CD302: variants seen among roughly 807,000 people sequenced by gnomAD.
CD302 encodes CD302 antigen.
In CD302, 23 loss-of-function variants were observed where a neutral mutation model predicts 26.5. The ratio of observed to expected loss-of-function variants is 0.87; its 90% CI spans 0.62 to 1.23. The LOEUF is 1.23. Among genes scored for constraint, CD302 ranks in the 50% most tolerant of loss-of-function variants. The pLI is 0.00. For synonymous variants in CD302, 90 were observed against 99.4 expected, an observed-to-expected ratio of 0.91 and a Z score of 0.56; for missense variants, 290 against 275.5, an observed-to-expected ratio of 1.05 and a Z score of -0.37.
In CD302 at chr2:159,780,889, G is replaced by T; in HGVS notation, c.288C>A (p.Asp96Glu). The T allele has an allele frequency of 6.2e-7, 1 of 1,612,556 alleles. No homozygotes were observed. Among genetic ancestry groups the T allele is most frequent in the South Asian group, 1.1e-5 (1 of 90,866 alleles). The change falls in exon 3 of 6, where the codon GAC becomes GAA. Residue 96 changes from aspartate to glutamate, a missense_variant. By Grantham distance (45) the Asp-to-Glu change is conservative. Transcript: ENST00000259053. ...GAGGTAAATATCACTTACCATCTGT[G>T]TCATAAAACATGCCTAGTAGGATAT... is the stretch of plus-strand genomic sequence containing the variant. Reference protein sequence around the residue: ...PDDILLGMFYDTDDASFKWFD... With the variant: ...PDDILLGMFYETDDASFKWFD...
At position 159,783,237 on chromosome 2, in the gene CD302, T is replaced by C. The variant is rs1350929694; in HGVS notation, c.178+122A>G. 4 of 712,144 alleles carry C rather than the reference T, an allele frequency of 5.6e-6. No homozygotes were observed. The African/African-American group carries it at 7.3e-5, about 13-fold the overall frequency. 44.1% of individuals were successfully genotyped at this position (712,144 alleles called of 1,614,324 possible). On this transcript the variant is annotated intron_variant, in intron 2 of 5. Transcript: ENST00000259053. ...TAGCTTGTGTGTTGTCAAATAAAAG[T>C]TGTACATTAAATCTCAGGACCCAGT...
chr2:159,779,414 C>T (rs924781694), intron 4 of CD302, among the ~76,000 whole-genome samples: 3 of 152,126 alleles, frequency 2.0e-5, no homozygotes, highest in African/African-American at 7.2e-5. Flanking sequence ...CTCTTCACCA[C>T]TTCTGCTCAC....
In CD302 at chr2:159,770,823, G is replaced by C. The variant is rs1708121827; in HGVS notation, c.*1028C>G. 6.6e-6 allele frequency: 1 copy of C among 152,072 alleles called. No individual in the cohort carries two copies. The highest frequency in any genetic ancestry group is 2.1e-4 in the South Asian group (1 of 4,826). The allele number at this position is 152,072 out of a possible 1,614,324, so 9.4% of individuals were successfully genotyped here. ...TTTTCACACAAGATTCCCTAACTAT[G>C]CATTTCTTAGAACGTATCCCCATTG... On this transcript the variant is annotated 3_prime_UTR_variant, in exon 6 of 6. Transcript: ENST00000259053.
chr2:159,774,605 G>T (rs1398373198), intron 5 of CD302, among the ~76,000 whole-genome samples: 1 of 152,098 alleles, frequency 6.6e-6, no homozygotes, highest in Non-Finnish European at 1.5e-5. Context: ...CTTCACCTTG[G>T]TCCTGATTTG....
intron 2 of CD302, among the ~76,000 whole-genome samples, chr2:159,782,724 CAAAA>C (rs765295574): frequency 9.4e-6 from 1 of 106,308 alleles, no homozygotes; most frequent in Non-Finnish European, 2.0e-5. Context: ...GACCCTGTCT[CAAAA>C]AAAAAAAAAA....
intron 1 of CD302, among the ~76,000 whole-genome samples, chr2:159,794,805 C>G (rs1460373853): frequency 6.6e-6 from 1 of 151,506 alleles, no homozygotes; most frequent in Non-Finnish European, 1.5e-5. Flanking sequence ...GCCTCGGCCT[C>G]CCAAAGTGCT....
chr2:159,781,296 C>G (rs937065010), intron 2 of CD302: 1 of 199,134 alleles, frequency 5.0e-6, no homozygotes, highest in Non-Finnish European at 1.0e-5. Context: ...TGCCTGTAAT[C>G]CCAGCACTTT....
At chr2:159,777,305 AAATT>A (rs1343548702) in intron 5 of CD302, among the ~76,000 whole-genome samples, 6 of 152,234 alleles carry the variant, frequency 3.9e-5, no homozygotes, top group South Asian at 2.1e-4. Context: ...AGGTAAATGA[AAATT>A]AAAGCCACAA....
Position 159,780,047 on chromosome 2 carries a change from A to G in CD302, c.427T>C (p.Cys143Arg). 1.2e-6 allele frequency: 2 copies of G among 1,614,112 alleles called. No homozygotes were observed. The highest frequency in any genetic ancestry group is 1.7e-6 in the Non-Finnish European group (2 of 1,179,998). Residue 143 changes from cysteine (C) to arginine (R), a missense_variant, in exon 4 of 6, where the codon TGT becomes CGT. Coordinates refer to ENST00000259053, the MANE Select transcript of CD302 (RefSeq NM_014880.5). ...IKTGEWKKGN[C>R]EVSSVEGTLC... The stretch of plus-strand genomic sequence containing the variant: ...GTTCCTTCCACAGAAGAAACTTCAC[A>G]ATTTCCTTTTTTCCATTCACCTGTC...
rs1458986915 is a variant in CD302 at position 159,770,993 on chromosome 2, T to C, written c.*858A>G. ...TGATTTTCACCTTTTTCTTAAAATG[T>C]ACAATAAATGCACTGAAAACTTTGA... On this transcript the variant is annotated 3_prime_UTR_variant, in exon 6 of 6. Coordinates refer to ENST00000259053, the MANE Select transcript of CD302 (RefSeq NM_014880.5). The C allele has an allele frequency of 2.0e-5, 3 of 152,230 alleles. No individual in the cohort carries two copies. Among genetic ancestry groups the C allele is most frequent in the East Asian group, 3.8e-4 (2 of 5,208 alleles). 9.4% of individuals were successfully genotyped at this position (152,230 alleles called of 1,614,324 possible).
rs1289959563 is a variant in CD302, at chr2:159,770,054, A to C, written c.*1797T>G. On this transcript the variant is annotated 3_prime_UTR_variant, in exon 6 of 6. Transcript: ENST00000259053. ...TGTTGGTTTTAAGTTGGACTTAATCACTTTCCTACCCAAATTCTACCACTC... is the reference window on the plus strand; with the variant it reads ...TGTTGGTTTTAAGTTGGACTTAATCCCTTTCCTACCCAAATTCTACCACTC... The C allele has an allele frequency of 6.6e-6, 1 of 152,158 alleles. No individual in the cohort carries two copies. Among genetic ancestry groups the C allele is most frequent in the Non-Finnish European group, 1.5e-5 (1 of 68,026 alleles). 9.4% of individuals were successfully genotyped at this position (152,158 alleles called of 1,614,324 possible). A position where few individuals can be genotyped will look rare whatever the true frequency, so the allele number is the denominator to read the frequency against.
rs750947724 is a variant in CD302 at position 159,777,957 on chromosome 2, G to T, written c.477C>A (p.Tyr159Ter). Residue 159 changes from tyrosine to a stop codon, truncating the protein, a stop_gained, in exon 5 of 6, where the codon TAC (tyrosine) becomes TAA (stop). Transcript: ENST00000259053. LOFTEE classifies it high-confidence loss of function. The part of the protein sequence containing the change: ...EGTLCKTAIP[Y>*]KRKYLSDNHI... Reference sequence around the variant, plus strand: ...ACTTACCTGATAAATATTTCCTTTTGTATGGGACTAAAATACAAAAGAAAA... The same window carrying T: ...ACTTACCTGATAAATATTTCCTTTTTTATGGGACTAAAATACAAAAGAAAA... 1 of 1,000,346 alleles carries T rather than the reference G, an allele frequency of 1.0e-6. No individual in the cohort carries two copies. The highest frequency in any genetic ancestry group is 1.4e-6 in the Non-Finnish European group (1 of 700,666). The allele number at this position is 1,000,346 out of a possible 1,614,324, so 62.0% of individuals were successfully genotyped here. A position where few individuals can be genotyped will look rare whatever the true frequency, so the allele number is the denominator to read the frequency against.
At chr2:159,785,702 A>G (rs1708647852) in intron 1 of CD302, among the ~76,000 whole-genome samples, 1 of 152,206 alleles carries the variant, frequency 6.6e-6, no homozygotes, top group South Asian at 2.1e-4. Flanking sequence ...ATTCAGAGAA[A>G]AGACTCTTCT....
chr2:159,781,254 A>G (rs917708496), intron 2 of CD302, among the ~76,000 whole-genome samples: 1 of 152,110 alleles, frequency 6.6e-6, no homozygotes, highest in African/African-American at 2.4e-5. Context: ...AAGGGATGGA[A>G]AATAGTTGTA....
At chr2:159,787,593 A>G (rs758803446) in intron 1 of CD302, among the ~76,000 whole-genome samples, 1 of 152,160 alleles carries the variant, frequency 6.6e-6, no homozygotes, top group Non-Finnish European at 1.5e-5. Flanking sequence ...GAAACATACA[A>G]TATTTTAATT....
chr2:159,792,942 A>G (rs1708848205), intron 1 of CD302, among the ~76,000 whole-genome samples: 1 of 152,184 alleles, frequency 6.6e-6, no homozygotes, highest in South Asian at 2.1e-4. Context: ...AGCACTACTC[A>G]AAAGATATAT....
At chr2:159,781,235 A>AT (rs956611917) in intron 2 of CD302, among the ~76,000 whole-genome samples, 10 of 151,934 alleles carry the variant, frequency 6.6e-5, no homozygotes, top group African/African-American at 1.7e-4. Context: ...ACTTTACATA[A>AT]TTTTTTTTAA....
rs188661249 is a variant in CD302 at position 159,794,425 on chromosome 2, G to C, written c.67+3707C>G. ...TCAACACATAAGCAAATTGTTAAAA[G>C]ATTCTCAACAGTAAAAGAAGTCCTG... On this transcript the variant is annotated intron_variant, in intron 1 of 5. Coordinates refer to ENST00000259053, the MANE Select transcript of CD302 (RefSeq NM_014880.5). Among the ~76,000 whole-genome samples, 671 of 150,962 alleles carry C rather than the reference G, an allele frequency of 4.4e-3. 7 individuals are homozygous for C. The highest frequency in any genetic ancestry group is 7.5e-3 in the Non-Finnish European group (511 of 67,714).
chr2:159,782,328 G>C (rs1392567654), intron 2 of CD302, among the ~76,000 whole-genome samples: 1 of 148,038 alleles, frequency 6.8e-6, no homozygotes, highest in African/African-American at 2.5e-5. Flanking sequence ...CAGGAGAATG[G>C]CGTGAACCCG....
Sources: allele counts gnomAD v4.1 joint callset (sites outside exome capture counted in the v4.1 genomes callset), GRCh38; gene constraint gnomAD v4.1.1; transcripts MANE v1.5; gene names NCBI Gene and HGNC (gene_info 2026-07-23, HGNC 2026-07-21).